RNF180: variants seen among roughly 807,000 people sequenced by gnomAD.
RNF180 encodes the protein ring finger protein 180, also known as E3 ubiquitin-protein ligase RNF180.
RNF180 carries 38 observed loss-of-function variants against 59.2 expected under a neutral mutation model. The observed-to-expected ratio is 0.64, with a 90% CI of 0.50 to 0.84. The LOEUF is 0.84. Ranked by LOEUF, RNF180 falls within the 40% of genes least tolerant of loss-of-function variation. The pLI, the probability that RNF180 is intolerant of heterozygous loss-of-function variation, is 0.00. For synonymous variants in RNF180, 262 were observed against 240.3 expected (o/e 1.09, Z -0.84); for missense variants, 705 against 700.9 (o/e 1.01, Z -0.07).
intron 7 of RNF180, among the ~76,000 whole-genome samples, chr5:64,337,776 G>A (rs1027104846): frequency 1.3e-5 from 2 of 151,266 alleles, no homozygotes; most frequent in African/African-American, 4.9e-5. Context: ...TTGTCCTTGC[G>A]ATAGTTTACT....
At chr5:64,265,943 G>T (rs1009949041) in intron 5 of RNF180, among the ~76,000 whole-genome samples, 1 of 152,092 alleles carries the variant, frequency 6.6e-6, no homozygotes, top group African/African-American at 2.4e-5. Flanking sequence ...CACGTCCCTT[G>T]TAAGTTGTAT....
At chr5:64,252,865 G>C (rs2112282627) in intron 5 of RNF180, among the ~76,000 whole-genome samples, 1 of 152,144 alleles carries the variant, frequency 6.6e-6, no homozygotes, top group African/African-American at 2.4e-5. Context: ...GATCTCAGCA[G>C]AGCCAGTATT....
At chr5:64,260,348 T>A (rs1440485500) in intron 5 of RNF180, among the ~76,000 whole-genome samples, 1 of 152,192 alleles carries the variant, frequency 6.6e-6, no homozygotes, top group African/African-American at 2.4e-5. Flanking sequence ...ATTTTAAAAA[T>A]TGCTTCCAGT....
chr5:64,200,710 C>CT (rs1751697541), intron 1 of RNF180, 98 bp from the exon 2 acceptor site: 1 of 1,006,996 alleles, frequency 9.9e-7, no homozygotes, highest in Non-Finnish European at 1.5e-6. Flanking sequence ...TAGTTCCCTG[C>CT]TTTACTGTCC....
At chr5:64,240,557 C>T (rs1288240244) in intron 5 of RNF180, among the ~76,000 whole-genome samples, 2 of 152,230 alleles carry the variant, frequency 1.3e-5, no homozygotes, top group African/African-American at 4.8e-5. Flanking sequence ...AATTGGGTGA[C>T]AGAGTTACTT....
At chr5:64,329,068 T>A (rs1744778354) in intron 6 of RNF180, among the ~76,000 whole-genome samples, 1 of 152,258 alleles carries the variant, frequency 6.6e-6, no homozygotes, top group African/African-American at 2.4e-5. Flanking sequence ...TATATCCTTT[T>A]TAACTCATTA....
chr5:64,218,141 C>T (rs1752734149), intron 5 of RNF180, among the ~76,000 whole-genome samples: 1 of 151,940 alleles, frequency 6.6e-6, no homozygotes. Context: ...TCCTATTTCT[C>T]AAAAAACGTT....
chr5:64,249,144 C>T (rs564008557), intron 5 of RNF180, among the ~76,000 whole-genome samples: 1 of 152,058 alleles, frequency 6.6e-6, no homozygotes, highest in African/African-American at 2.4e-5. Flanking sequence ...AGGAGAAATA[C>T]CTAATGTAGG....
At chr5:64,321,008 A>T (rs1744316355) in intron 5 of RNF180, among the ~76,000 whole-genome samples, 1 of 152,020 alleles carries the variant, frequency 6.6e-6, no homozygotes, top group South Asian at 2.1e-4. Context: ...ACTGCACTCT[A>T]ACCTGGGGAA....
intron 5 of RNF180, among the ~76,000 whole-genome samples, chr5:64,324,028 T>G (rs193138081): frequency 1.2e-4 from 18 of 152,292 alleles, no homozygotes; most frequent in Non-Finnish European, 2.4e-4. Flanking sequence ...CTACTATCAG[T>G]GACTTCAGGC....
chr5:64,196,689 G>A (rs1482859796), intron 1 of RNF180, among the ~76,000 whole-genome samples: 1 of 151,670 alleles, frequency 6.6e-6, no homozygotes. Flanking sequence ...TAAATAGTTT[G>A]GTTCATATTT....
intron 5 of RNF180, among the ~76,000 whole-genome samples, chr5:64,310,626 A>G (rs1308035863): frequency 1.3e-5 from 2 of 151,722 alleles, no homozygotes; most frequent in Non-Finnish European, 2.9e-5. Flanking sequence ...TTTGTGACAA[A>G]TTTTTATTTC....
At chr5:64,273,245 G>T (rs959919744) in intron 5 of RNF180, among the ~76,000 whole-genome samples, 1 of 151,922 alleles carries the variant, frequency 6.6e-6, no homozygotes, top group Non-Finnish European at 1.5e-5. Flanking sequence ...CTCAGTTCTG[G>T]GGGGAATTGC....
intron 5 of RNF180, among the ~76,000 whole-genome samples, chr5:64,248,834 G>GC (rs1210040704): frequency 2.0e-5 from 3 of 152,172 alleles, no homozygotes; most frequent in Non-Finnish European, 4.4e-5. Context: ...ATTCACTATA[G>GC]CAAAGACTTG....
At chr5:64,208,289 C>T (rs1216526494) in intron 2 of RNF180, among the ~76,000 whole-genome samples, 1 of 151,942 alleles carries the variant, frequency 6.6e-6, no homozygotes, top group Non-Finnish European at 1.5e-5. Flanking sequence ...CTCCTTCCTC[C>T]GTGTGGGAGA....
intron 5 of RNF180, among the ~76,000 whole-genome samples, chr5:64,256,863 C>T (rs567470261): frequency 2.0e-5 from 3 of 152,230 alleles, no homozygotes; most frequent in South Asian, 2.1e-4. Context: ...TTGTTTGTGT[C>T]CTCTTTTATT....
intron 5 of RNF180, among the ~76,000 whole-genome samples, chr5:64,256,380 AG>A (rs1206264236): frequency 6.6e-6 from 1 of 152,266 alleles, no homozygotes; most frequent in East Asian, 1.9e-4. Flanking sequence ...TTTTTGTATA[AG>A]GTGTAAGGAA....
intron 5 of RNF180, among the ~76,000 whole-genome samples, chr5:64,237,835 C>T (rs1365513477): frequency 6.6e-6 from 1 of 152,132 alleles, no homozygotes; most frequent in Non-Finnish European, 1.5e-5. Context: ...CTCTCTCTCT[C>T]TCTTTCTCTT....
At chr5:64,193,767 TG>T (rs1352017846) in intron 1 of RNF180, among the ~76,000 whole-genome samples, 1 of 152,242 alleles carries the variant, frequency 6.6e-6, no homozygotes, top group African/African-American at 2.4e-5. Context: ...AAGTAATCCC[TG>T]TATGGGCAAT....
Sources: allele counts gnomAD v4.1 joint callset (sites outside exome capture counted in the v4.1 genomes callset), GRCh38; gene constraint gnomAD v4.1.1; transcripts MANE v1.5; gene names NCBI Gene and HGNC (gene_info 2026-07-23, HGNC 2026-07-21).